The following CCSER1 variants were observed in gnomAD, a reference collection of about 807,000 sequenced individuals.
CCSER1 encodes the protein serine-rich coiled-coil domain-containing protein 1.
A neutral mutation model predicts 82.0 loss-of-function variants in CCSER1; 41 were observed. The observed-to-expected ratio is 0.50, with a 90% CI of 0.39 to 0.65. The LOEUF (loss-of-function observed/expected upper bound fraction) is 0.65. Ranked by LOEUF, CCSER1 falls within the 30% of genes least tolerant of loss-of-function variation. The probability of loss-of-function intolerance (pLI) is 0.00; values close to 1 mark genes in which losing one functional copy is unlikely to be tolerated. For missense variants in CCSER1, 1,119 were observed against 1,064.2 expected (o/e 1.05, Z -0.72); for synonymous variants, 414 against 383.9 (o/e 1.08, Z -0.92).
intron 5 of CCSER1, among the ~76,000 whole-genome samples, chr4:90,581,470 A>G (rs1432339284): frequency 6.6e-6 from 1 of 152,098 alleles, no homozygotes; most frequent in African/African-American, 2.4e-5. Context: ...ATTACGTTCT[A>G]CTTAATGCAA....
rs139846108 is a variant in CCSER1 at position 91,597,777 on chromosome 4, A to G, written c.2218-795A>G. Among the ~76,000 whole-genome samples the G allele has an allele frequency of 7.8e-4, 91 of 116,068 alleles. 1 individual carries two copies. Among genetic ancestry groups the G allele is most frequent in the African/African-American group, 3.1e-3 (89 of 29,036 alleles). The allele number at this position is 116,068 out of a possible 152,430, so 76.1% of individuals were successfully genotyped here. ...TAAATCCTTCATTTTTTGCATGCAG[A>G]ACAATTAAGCCAGCCAGTCTCAGTT... On this transcript the variant is annotated intron_variant, in intron 10 of 10. Transcript: ENST00000509176.
At chr4:90,832,962 A>T (rs1446449855) in intron 8 of CCSER1, among the ~76,000 whole-genome samples, 2 of 152,226 alleles carry the variant, frequency 1.3e-5, no homozygotes, top group African/African-American at 4.8e-5. Context: ...GAGCAGGAAG[A>T]TATTAAGCAA....
chr4:91,303,349 G>T (rs1431171500), intron 10 of CCSER1, among the ~76,000 whole-genome samples: 3 of 152,014 alleles, frequency 2.0e-5, no homozygotes, highest in Non-Finnish European at 4.4e-5. Context: ...CAGCCACAAA[G>T]AGCCTAAGGA....
At chr4:91,222,618 G>C (rs1257952039) in intron 10 of CCSER1, among the ~76,000 whole-genome samples, 1 of 152,014 alleles carries the variant, frequency 6.6e-6, no homozygotes, top group African/African-American at 2.4e-5. Context: ...CAAATTACTG[G>C]GTTTTTTTAG....
rs559793204 is a variant in CCSER1, at chr4:91,448,068, T to C, written c.2218-150504T>C. 2.6e-5 allele frequency among the ~76,000 whole-genome samples: 4 copies of C among 152,228 alleles called. No individual in the cohort carries two copies. In the South Asian group the frequency reaches 8.3e-4, roughly 32 times the overall value. On this transcript the variant is annotated intron_variant, in intron 10 of 10. Coordinates refer to ENST00000509176, the MANE Select transcript of CCSER1 (RefSeq NM_001145065.2). Reference sequence around the variant, plus strand: ...GGCAAGTTGCTACTTCATAAGGCAATGATCTACCTGAGGATAAAAGCATGA... The same window carrying C: ...GGCAAGTTGCTACTTCATAAGGCAACGATCTACCTGAGGATAAAAGCATGA...
chr4:90,476,687 A>G (rs1578672685), intron 5 of CCSER1, among the ~76,000 whole-genome samples: 2 of 152,344 alleles, frequency 1.3e-5, no homozygotes, highest in Non-Finnish European at 2.9e-5. Flanking sequence ...AAGAATGTTT[A>G]AAAATTCCCA....
At chr4:90,787,814 C>G (rs1754722747) in intron 7 of CCSER1, among the ~76,000 whole-genome samples, 1 of 152,122 alleles carries the variant, frequency 6.6e-6, no homozygotes, top group African/African-American at 2.4e-5. Flanking sequence ...CTGGCATTGT[C>G]TAGATATTTT....
chr4:91,183,193 A>G (rs375427516), intron 10 of CCSER1, among the ~76,000 whole-genome samples: 1 of 152,236 alleles, frequency 6.6e-6, no homozygotes, highest in African/African-American at 2.4e-5. Flanking sequence ...GTAACTGAGC[A>G]TTTTCAATTA....
chr4:90,617,849 T>C (rs1430342290), intron 5 of CCSER1, among the ~76,000 whole-genome samples: 1 of 152,108 alleles, frequency 6.6e-6, no homozygotes, highest in East Asian at 1.9e-4. Flanking sequence ...TTTTTTTGTT[T>C]GTTCCTTGCA....
intron 10 of CCSER1, among the ~76,000 whole-genome samples, chr4:91,572,391 G>A (rs1049694334): frequency 2.0e-5 from 3 of 152,080 alleles, no homozygotes; most frequent in African/African-American, 7.2e-5. Context: ...CCAGCCCAGT[G>A]AGGAGGAATG....
Position 90,635,469 on chromosome 4 carries a change from C to T in CCSER1, c.1932+7237C>T, listed in dbSNP as rs761322402. 2.8e-4 allele frequency among the ~76,000 whole-genome samples: 42 copies of T among 151,374 alleles called. 1 individual carries two copies. The highest frequency in any genetic ancestry group is 8.3e-4 in the South Asian group (4 of 4,816). ...TACAAACTTCTATATAACCCACAGACGAATTTAGAAAGCTGAAAGGAAATT... is the reference window on the plus strand; with the variant it reads ...TACAAACTTCTATATAACCCACAGATGAATTTAGAAAGCTGAAAGGAAATT... On this transcript the variant is annotated intron_variant, in intron 6 of 10. Transcript: ENST00000509176.
At chr4:91,490,900 ATATATATATATATATATATATATATAT>A (rs1269962424) in intron 10 of CCSER1, among the ~76,000 whole-genome samples, 1 of 73,342 alleles carries the variant, frequency 1.4e-5, no homozygotes, top group Non-Finnish European at 2.6e-5. Flanking sequence ...ATATATATAT[ATATATATATATATATATATATATATAT>A]AAAATATGCG....
At position 90,306,744 on chromosome 4, in the gene CCSER1, C is replaced by T. The variant is rs181335798; in HGVS notation, c.-41-1500C>T. On this transcript the variant is annotated intron_variant, in intron 1 of 10. Coordinates refer to ENST00000509176, the MANE Select transcript of CCSER1 (RefSeq NM_001145065.2). ...TATAGTATTTGTTAATTTTTAGTCA[C>T]GTAGTTTTGGTTGTAAAGACTAAGA... 3.9e-5 allele frequency among the ~76,000 whole-genome samples: 6 copies of T among 152,132 alleles called. No individual in the cohort carries two copies. The East Asian group carries it at 9.7e-4, about 24-fold the overall frequency.
At chr4:90,711,292 T>C (rs1740563743) in intron 6 of CCSER1, among the ~76,000 whole-genome samples, 1 of 152,178 alleles carries the variant, frequency 6.6e-6, no homozygotes, top group South Asian at 2.1e-4. Context: ...ATAATTTGAC[T>C]TCCTATAATC....
At chr4:91,056,057 T>G (rs1362382222) in intron 9 of CCSER1, among the ~76,000 whole-genome samples, 4 of 152,146 alleles carry the variant, frequency 2.6e-5, no homozygotes, top group Non-Finnish European at 5.9e-5. Flanking sequence ...AGTTTTTATC[T>G]CCTTATTGAT....
rs1274417648 is a variant in CCSER1 at position 90,712,925 on chromosome 4, G to A, written c.1933-10989G>A. On this transcript the variant is annotated intron_variant, in intron 6 of 10. Coordinates refer to ENST00000509176, the MANE Select transcript of CCSER1 (RefSeq NM_001145065.2). ...TCTCTTTTTTTTTTTTTTAATCATTGTTGGTTTAAATTCTGTTTTGTCAGA... is the reference window on the plus strand; with the variant it reads ...TCTCTTTTTTTTTTTTTTAATCATTATTGGTTTAAATTCTGTTTTGTCAGA... Among the ~76,000 whole-genome samples the A allele has an allele frequency of 5.8e-5, 8 of 137,284 alleles. No individual in the cohort carries two copies. The East Asian group carries it at 1.7e-3, about 29-fold the overall frequency. 90.1% of individuals were successfully genotyped at this position (137,284 alleles called of 152,430 possible).
At position 91,325,094 on chromosome 4, in the gene CCSER1, C is replaced by A. The variant is rs1221943688; in HGVS notation, c.2217+239100C>A. On this transcript the variant is annotated intron_variant, in intron 10 of 10. Transcript: ENST00000509176. ...GGGGCCCTAAATAGCTTGGGGCTAC[C>A]CTTTACCAAGAGGGAGTACCTTATT... 17 of 448,036 alleles carry A rather than the reference C, an allele frequency of 3.8e-5. No homozygotes were observed. The East Asian group carries it at 1.2e-3, about 31-fold the overall frequency. The allele number at this position is 448,036 out of a possible 1,614,324, so 27.8% of individuals were successfully genotyped here. A position where few individuals can be genotyped will look rare whatever the true frequency, so the allele number is the denominator to read the frequency against.
At chr4:91,526,982 T>C (rs947197804) in intron 10 of CCSER1, among the ~76,000 whole-genome samples, 1 of 152,130 alleles carries the variant, frequency 6.6e-6, no homozygotes, top group Non-Finnish European at 1.5e-5. Context: ...AGGCCAGCTC[T>C]GAGACTGGCC....
At chr4:90,961,699 TA>T (rs1734067196) in intron 9 of CCSER1, among the ~76,000 whole-genome samples, 1 of 152,006 alleles carries the variant, frequency 6.6e-6, no homozygotes, top group Admixed American at 6.6e-5. Context: ...TTCATAAATA[TA>T]AAAATCAAAC....
Sources: gnomAD v4.1 joint callset for allele counts (sites outside exome capture counted in the v4.1 genomes callset) on GRCh38, gnomAD v4.1.1 for gene constraint, MANE v1.5 for transcripts, NCBI Gene and HGNC (gene_info 2026-07-23, HGNC 2026-07-21) for gene names.